FBXL13: variants seen among roughly 807,000 people sequenced by gnomAD.
FBXL13 encodes the protein F-box and leucine-rich repeat protein 13.
Under a neutral mutation model 83.6 loss-of-function variants are expected in FBXL13, and 67 were observed. That is an observed-to-expected ratio of 0.80 (90% confidence interval 0.66 to 0.98). The LOEUF (loss-of-function observed/expected upper bound fraction) is 0.98. Ranked by LOEUF, FBXL13 falls within the 50% of genes least tolerant of loss-of-function variation. The probability of loss-of-function intolerance (pLI) is 0.00; values close to 1 mark genes in which losing one functional copy is unlikely to be tolerated. For synonymous variants in FBXL13, 272 were observed against 299.5 expected (o/e 0.91, Z 0.95); for missense variants, 822 against 866.5 (o/e 0.95, Z 0.64).
At chr7:103,015,223 C>G (rs1054338796) in intron 6 of FBXL13, among the ~76,000 whole-genome samples, 4 of 152,098 alleles carry the variant, frequency 2.6e-5, no homozygotes, top group African/African-American at 9.7e-5. Flanking sequence ...ATGAAAAACC[C>G]ACAGCCAACA....
chr7:102,991,188 G>T (rs961239783), intron 6 of FBXL13, among the ~76,000 whole-genome samples: 2 of 152,162 alleles, frequency 1.3e-5, no homozygotes, highest in African/African-American at 2.4e-5. Context: ...TATGCAGTAG[G>T]GGGTAAAAGA....
chr7:103,062,846 C>G (rs1798051968), intron 1 of FBXL13, among the ~76,000 whole-genome samples: 1 of 152,196 alleles, frequency 6.6e-6, no homozygotes, highest in Non-Finnish European at 1.5e-5. Context: ...CTAGGGACAG[C>G]CTCAGAGTTA....
At chr7:102,882,743 C>T (rs867273070) in intron 14 of FBXL13, among the ~76,000 whole-genome samples, 6 of 151,194 alleles carry the variant, frequency 4.0e-5, no homozygotes, top group Admixed American at 2.0e-4. Flanking sequence ...GCCTGGGCAA[C>T]AGAGCGAGAC....
chr7:102,872,319 C>A (rs1389663772), intron 16 of FBXL13, among the ~76,000 whole-genome samples: 1 of 152,118 alleles, frequency 6.6e-6, no homozygotes, highest in Non-Finnish European at 1.5e-5. Context: ...TTCCTTCATT[C>A]AATGAGCAAT....
rs915740809 is a variant in FBXL13 at position 102,915,544 on chromosome 7, A to T, written c.879-2329T>A. Among the ~76,000 whole-genome samples the T allele has an allele frequency of 2.6e-5, 4 of 152,176 alleles. No homozygotes were observed. In the South Asian group the frequency reaches 8.3e-4, roughly 31 times the overall value. Reference sequence around the variant, plus strand: ...TTCTTTAAATCCATGTGATCAGTTAACAAATATCAAAAATGAGAACTGAGC... The same window carrying T: ...TTCTTTAAATCCATGTGATCAGTTATCAAATATCAAAAATGAGAACTGAGC... On this transcript the variant is annotated intron_variant, in intron 10 of 19. Transcript: ENST00000313221.
chr7:103,073,151 A>C (rs753960129), intron 1 of FBXL13, among the ~76,000 whole-genome samples: 4 of 152,220 alleles, frequency 2.6e-5, no homozygotes, highest in Non-Finnish European at 5.9e-5. Context: ...ATTCCACAAG[A>C]CATCTGTTAT....
At chr7:103,058,083 G>A (rs1797506603) in intron 1 of FBXL13, among the ~76,000 whole-genome samples, 1 of 152,202 alleles carries the variant, frequency 6.6e-6, no homozygotes, top group Non-Finnish European at 1.5e-5. Context: ...TTCTCATACT[G>A]TTCCTCCAAA....
At chr7:102,962,874 C>G (rs1267563598) in intron 8 of FBXL13, among the ~76,000 whole-genome samples, 2 of 151,274 alleles carry the variant, frequency 1.3e-5, no homozygotes, top group African/African-American at 4.9e-5. Context: ...GGAGACATAC[C>G]TAATGCTAGA....
Position 102,912,602 on chromosome 7 carries a change from G to GT in FBXL13, c.1008+483dup, listed in dbSNP as rs371552979. Among the ~76,000 whole-genome samples, 558 of 147,640 alleles carry GT rather than the reference G, an allele frequency of 3.8e-3. 5 individuals are homozygous for GT. The highest frequency in any genetic ancestry group is 0.014 in the African/African-American group (551 of 40,112). On this transcript the variant is annotated intron_variant, in intron 11 of 19. Coordinates refer to ENST00000313221, the Ensembl canonical transcript of FBXL13. ...TCTTCATGTTATTCAGCCCAACGGT[G>GT]TAATGCAATTTTTTAAATTATGAGT... is the stretch of plus-strand genomic sequence containing the variant.
At chr7:102,812,667 G>A (rs1470604964), downstream of FBXL13, among the ~76,000 whole-genome samples, 1 of 151,832 alleles carries the variant, frequency 6.6e-6, no homozygotes. Context: ...TTTGACATAT[G>A]GCCATCTCTG....
chr7:102,846,571 G>A (rs144996085), intron 17 of FBXL13, among the ~76,000 whole-genome samples: 24 of 149,866 alleles, frequency 1.6e-4, no homozygotes, highest in African/African-American at 5.0e-4. Flanking sequence ...AGCCAAGATC[G>A]TGCCACTGCA....
chr7:102,960,958 C>A (rs1455523378), intron 8 of FBXL13, among the ~76,000 whole-genome samples: 1 of 151,924 alleles, frequency 6.6e-6, no homozygotes, highest in Non-Finnish European at 1.5e-5. Context: ...CACTCCTATT[C>A]AACGTAGTGT....
At chr7:102,951,022 C>T (rs943663709) in intron 8 of FBXL13, among the ~76,000 whole-genome samples, 6 of 152,020 alleles carry the variant, frequency 3.9e-5, no homozygotes, top group African/African-American at 1.2e-4. Context: ...GATAATGATG[C>T]GTAAATATAG....
chr7:102,935,377 G>C (rs1485380959), intron 8 of FBXL13, among the ~76,000 whole-genome samples: 1 of 150,572 alleles, frequency 6.6e-6, no homozygotes. Flanking sequence ...TCAGCCTCTC[G>C]AGTAGCTGAT....
chr7:103,002,814 C>T (rs1012903103), intron 6 of FBXL13, among the ~76,000 whole-genome samples: 1 of 152,088 alleles, frequency 6.6e-6, no homozygotes. Flanking sequence ...CTTCTTTTTT[C>T]TTGCTGCTTT....
At chr7:102,948,955 G>T (rs547369379) in intron 8 of FBXL13, among the ~76,000 whole-genome samples, 1 of 152,136 alleles carries the variant, frequency 6.6e-6, no homozygotes, top group Non-Finnish European at 1.5e-5. Flanking sequence ...CAAGTGATCC[G>T]CGTGCCTTGG....
chr7:102,996,385 T>G (rs1212345333), intron 6 of FBXL13, among the ~76,000 whole-genome samples: 1 of 152,226 alleles, frequency 6.6e-6, no homozygotes, highest in Non-Finnish European at 1.5e-5. Context: ...AGCACTGATA[T>G]AATGACTTAT....
At chr7:102,851,319 C>G (rs1052745835) in intron 17 of FBXL13, among the ~76,000 whole-genome samples, 2 of 152,176 alleles carry the variant, frequency 1.3e-5, no homozygotes, top group African/African-American at 2.4e-5. Context: ...GGAAAGTCTA[C>G]TTCAAATTGA....
intron 16 of FBXL13, among the ~76,000 whole-genome samples, chr7:102,867,695 A>ATATATATATTTTTTTTT (rs1239781180): frequency 2.0e-5 from 1 of 49,078 alleles, no homozygotes; most frequent in African/African-American, 1.2e-4. Context: ...ATATATATAT[A>ATATATATATTTTTTTTT]TTTTTTTTTT....
Sources: gnomAD v4.1 joint callset for allele counts (sites outside exome capture counted in the v4.1 genomes callset) on GRCh38, gnomAD v4.1.1 for gene constraint, MANE v1.5 for transcripts, NCBI Gene and HGNC (gene_info 2026-07-23, HGNC 2026-07-21) for gene names.